The following PIGN variants were observed in gnomAD, a reference collection of about 807,000 sequenced individuals.
PIGN encodes phosphatidylinositol glycan anchor biosynthesis class N.
In PIGN, 117 loss-of-function variants were observed where a neutral mutation model predicts 125.4. The ratio of observed to expected loss-of-function variants is 0.93; its 90% CI spans 0.80 to 1.09. PIGN has a LOEUF of 1.09. PIGN is among the 50% of genes least tolerant of loss of function. PIGN has a pLI of 0.00. For synonymous variants in PIGN, 392 were observed against 377.8 expected (o/e 1.04, Z -0.44); for missense variants, 1,075 against 1,094.9 (o/e 0.98, Z 0.26).
chr18:62,050,313 T>G (rs2031165179), intron 30 of PIGN, among the ~76,000 whole-genome samples: 1 of 151,864 alleles, frequency 6.6e-6, no homozygotes, highest in African/African-American at 2.4e-5. Flanking sequence ...TTCACGATAT[T>G]GATTCTTCCT....
intron 23 of PIGN, among the ~76,000 whole-genome samples, chr18:62,034,063 G>A (rs1363962958): frequency 6.6e-6 from 1 of 152,132 alleles, no homozygotes; most frequent in African/African-American, 2.4e-5. Context: ...TGCATTATCA[G>A]TTTCTTGAGG....
chr18:62,145,923 T>A lies in PIGN; in HGVS notation c.908A>T (p.Asp303Val). The change falls in exon 10 of 31, where the codon GAT (aspartate) becomes GTT (valine). Residue 303 changes from aspartate (D) to valine (V), a missense_variant. Physicochemically the swap from Asp to Val is radical, Grantham distance 152. This residue lies in a region of PIGN where 915 missense variants were observed against 908.7 expected (regional missense o/e 1.01). Coordinates refer to ENST00000640252, the MANE Select transcript of PIGN (RefSeq NM_176787.5). ...PQRVSAQQFD[D>V]AFLKEWRLEN... ...AATGCTTGTACCTTTCAAAAATGCA[T>A]CATCAAATTGCTGAGCTGATACTCT... 6.4e-7 allele frequency: 1 copy of A among 1,557,172 alleles called. No homozygotes were observed. Among genetic ancestry groups the A allele is most frequent in the East Asian group, 2.2e-5 (1 of 44,490 alleles).
At chr18:62,094,215 AT>A (rs1221023807) in intron 23 of PIGN, among the ~76,000 whole-genome samples, 1 of 152,192 alleles carries the variant, frequency 6.6e-6, no homozygotes, top group Non-Finnish European at 1.5e-5. Context: ...AACTTCAATT[AT>A]CCTTGCTTCT....
intron 23 of PIGN, among the ~76,000 whole-genome samples, chr18:62,092,854 A>G (rs1269160318): frequency 6.6e-6 from 1 of 152,136 alleles, no homozygotes; most frequent in Non-Finnish European, 1.5e-5. Context: ...GTTCAGTTCA[A>G]CATCATTGAT....
chr18:62,062,940 T>G, intron 30 of PIGN, among the ~76,000 whole-genome samples: 1 of 139,518 alleles, frequency 7.2e-6, no homozygotes, highest in East Asian at 2.3e-4. Flanking sequence ...TTTGTGCTGT[T>G]TATTCCATGA....
intron 14 of PIGN, among the ~76,000 whole-genome samples, chr18:62,133,154 G>C (rs2035803028): frequency 6.6e-6 from 1 of 152,168 alleles, no homozygotes; most frequent in Non-Finnish European, 1.5e-5. Flanking sequence ...GTAGGCTAAT[G>C]TTAAGTGTTC....
At chr18:62,134,837 C>A (rs2035867162) in intron 14 of PIGN, among the ~76,000 whole-genome samples, 2 of 152,180 alleles carry the variant, frequency 1.3e-5, no homozygotes, top group Admixed American at 6.5e-5. Flanking sequence ...TTGAAGCATG[C>A]TTTCTTGTAA....
At chr18:62,185,428 C>A (rs545216320) in intron 1 of PIGN, among the ~76,000 whole-genome samples, 1 of 151,748 alleles carries the variant, frequency 6.6e-6, no homozygotes, top group Non-Finnish European at 1.5e-5. Context: ...TTTTAAACTT[C>A]TAGCAAAAAT....
In PIGN at chr18:62,129,803, T is replaced by C. The variant is rs183061466; in HGVS notation, c.1172+8440A>G. Among the ~76,000 whole-genome samples the C allele has an allele frequency of 3.3e-5, 5 of 152,312 alleles. No individual in the cohort carries two copies. In the East Asian group the frequency reaches 9.6e-4, roughly 29 times the overall value. On this transcript the variant is annotated intron_variant, in intron 14 of 30. Coordinates refer to ENST00000640252, the MANE Select transcript of PIGN (RefSeq NM_176787.5). ...CTGCAATGGCTGAAATGATGACAAA[T>C]GTAAACTATTAATTTCTGTTGAGAG... is the stretch of plus-strand genomic sequence containing the variant.
chr18:62,063,728 C>A (rs1033274331), intron 30 of PIGN, among the ~76,000 whole-genome samples: 1 of 150,430 alleles, frequency 6.6e-6, no homozygotes, highest in African/African-American at 2.4e-5. Flanking sequence ...CACATATACA[C>A]CATGGAATAC....
intron 28 of PIGN, among the ~76,000 whole-genome samples, chr18:62,077,510 G>T (rs2033236973): frequency 6.6e-6 from 1 of 151,994 alleles, no homozygotes; most frequent in African/African-American, 2.4e-5. Context: ...GATATTCTGG[G>T]ATCCTTCTGA....
intron 1 of PIGN, among the ~76,000 whole-genome samples, chr18:62,167,284 ATATGTGTGTGTGTGTGTGTGTGTG>A (rs1387131651): frequency 2.5e-4 from 34 of 136,106 alleles, no homozygotes; most frequent in African/African-American, 8.5e-4. Flanking sequence ...ATAGAGATAT[ATATGTGTGTGTGTGTGTGTGTGTG>A]TGTGTGTGTG....
At chr18:62,151,797 G>A (rs957958805) in intron 7 of PIGN, among the ~76,000 whole-genome samples, 7 of 152,360 alleles carry the variant, frequency 4.6e-5, no homozygotes, top group African/African-American at 1.7e-4. Context: ...GGTTGCTGCA[G>A]ATCCTTACAG....
intron 30 of PIGN, chr18:62,070,311 TCTAAACTTTCC>T (rs1222223768): frequency 2.5e-6 from 1 of 397,136 alleles, no homozygotes; most frequent in Non-Finnish European, 4.4e-6. Context: ...GAAGGGGATA[TCTAAACTTTCC>T]CTAAACTTTC....
intron 1 of PIGN, among the ~76,000 whole-genome samples, chr18:62,185,040 T>C (rs551628618): frequency 6.6e-6 from 1 of 152,328 alleles, no homozygotes; most frequent in East Asian, 1.9e-4. Context: ...AGCTTTTCTA[T>C]CTTATAAGCA....
chr18:62,175,367 C>A (rs1044691611), intron 1 of PIGN, among the ~76,000 whole-genome samples: 1 of 152,018 alleles, frequency 6.6e-6, no homozygotes, highest in African/African-American at 2.4e-5. Context: ...TCTAATTGTT[C>A]TTCAGGAATT....
chr18:62,115,162 T>C (rs1465381984), intron 14 of PIGN, among the ~76,000 whole-genome samples: 1 of 152,212 alleles, frequency 6.6e-6, no homozygotes, highest in Non-Finnish European at 1.5e-5. Flanking sequence ...TTTTATACTA[T>C]ATCATATACC....
At chr18:62,032,762 T>A (rs1057243411) in intron 23 of PIGN, among the ~76,000 whole-genome samples, 2 of 152,240 alleles carry the variant, frequency 1.3e-5, no homozygotes, top group Admixed American at 6.5e-5. Flanking sequence ...AGTATAATAA[T>A]ACCTACCTCA....
intron 30 of PIGN, among the ~76,000 whole-genome samples, chr18:62,051,608 C>G (rs1304676199): frequency 4.6e-5 from 7 of 152,094 alleles, no homozygotes; most frequent in East Asian, 1.9e-4. Context: ...CTTTATTAGT[C>G]TTGCTAGTGG....
Sources: gnomAD v4.1 joint callset for allele counts (sites outside exome capture counted in the v4.1 genomes callset) on GRCh38, gnomAD v4.1.1 for gene constraint, gnomAD v4.1.1 regional missense constraint, MANE v1.5 for transcripts, NCBI Gene and HGNC (gene_info 2026-07-23, HGNC 2026-07-21) for gene names.